KIF23: variants seen among roughly 807,000 people sequenced by gnomAD.
KIF23 encodes the protein kinesin family member 23.
In KIF23, 30 loss-of-function variants were observed where a neutral mutation model predicts 137.5. The ratio of observed to expected loss-of-function variants is 0.22; its 90% CI spans 0.16 to 0.30. KIF23 has a LOEUF of 0.30. Ranked by LOEUF, KIF23 falls within the 10% of genes least tolerant of loss-of-function variation. The pLI is 1.00. For missense variants in KIF23, 920 were observed against 1,194.3 expected (o/e 0.77, Z 3.38); for synonymous variants, 367 against 391.1 (o/e 0.94, Z 0.73).
intron 10 of KIF23, 56 bp from the exon 11 acceptor site, chr15:69,429,055 A>G: frequency 8.6e-7 from 1 of 1,165,786 alleles, no homozygotes; most frequent in South Asian, 1.4e-5. Flanking sequence ...CTATTTAAAG[A>G]ACATTATAAA....
At chr15:69,431,393 C>T (rs559762163) in intron 11 of KIF23, among the ~76,000 whole-genome samples, 8 of 152,176 alleles carry the variant, frequency 5.3e-5, no homozygotes, top group African/African-American at 9.7e-5. Flanking sequence ...GCAGGCGGAT[C>T]ACGAGGTCAG....
chr15:69,444,653 A>T lies in KIF23; in HGVS notation c.2422-137A>T, dbSNP rs2057703671. ...GTTGGTTTTGTGTTTAAATGCAAAG[A>T]TCATGTTTAAATTACTTGAATAAAA... is the stretch of plus-strand genomic sequence containing the variant. On this transcript the variant is annotated intron_variant, in intron 19 of 23. Coordinates refer to ENST00000679126, the MANE Select transcript of KIF23 (RefSeq NM_001367805.3). The surrounding 1 kb of genome is among the most constrained non-coding windows in gnomAD (Gnocchi z 4.2). 6 of 825,612 alleles carry T rather than the reference A, an allele frequency of 7.3e-6. No homozygotes were observed. The East Asian group carries it at 1.6e-4, about 22-fold the overall frequency. 51.1% of individuals were successfully genotyped at this position (825,612 alleles called of 1,614,324 possible).
Position 69,448,031 on chromosome 15 carries a change from T to C in KIF23, c.*224T>C. ...ATAGTATATGTTTTGCCATATTTAATATTAATAGCAGAGGAAGACTCCTTT... is the reference window on the plus strand; with the variant it reads ...ATAGTATATGTTTTGCCATATTTAACATTAATAGCAGAGGAAGACTCCTTT... On this transcript the variant is annotated 3_prime_UTR_variant, in exon 24 of 24. Coordinates refer to ENST00000679126, the MANE Select transcript of KIF23 (RefSeq NM_001367805.3). The C allele has an allele frequency of 2.7e-6, 1 of 365,684 alleles. No individual in the cohort carries two copies. 22.7% of individuals were successfully genotyped at this position (365,684 alleles called of 1,614,324 possible). A position where few individuals can be genotyped will look rare whatever the true frequency, so the allele number is the denominator to read the frequency against.
Position 69,435,690 on chromosome 15 carries a change from C to G in KIF23, c.1233C>G (p.Phe411Leu). Residue 411 changes from phenylalanine (F) to leucine (L), a missense_variant, in exon 13 of 24, where the codon TTC becomes TTG. Phe to Leu is a conservative substitution (Grantham distance 22, BLOSUM62 0). Around this residue, in one of 4 missense-constraint regions of KIF23, gnomAD observed 714 missense variants for 866.2 expected, o/e 0.82. Transcript: ENST00000679126. Reference sequence around the variant, plus strand: ...GAGATTCAAAGTTAACCCATCTGTTCAAGAACTACTTTGATGGGGAAGGAA... The same window carrying G: ...GAGATTCAAAGTTAACCCATCTGTTGAAGAACTACTTTGATGGGGAAGGAA... ...PYRDSKLTHL[F>L]KNYFDGEGKV... 1 of 1,614,066 alleles carries G rather than the reference C, an allele frequency of 6.2e-7. No individual in the cohort carries two copies. The highest frequency in any genetic ancestry group is 1.1e-5 in the South Asian group (1 of 91,066).
Position 69,423,761 on chromosome 15 carries a change from A to G in KIF23, c.734+432A>G, listed in dbSNP as rs577938763. ...TGTTATCTATACAAGTAATACTTACATATCTTCTATCATTCATTAATATGG... is the reference window on the plus strand; with the variant it reads ...TGTTATCTATACAAGTAATACTTACGTATCTTCTATCATTCATTAATATGG... On this transcript the variant is annotated intron_variant, in intron 7 of 23. Transcript: ENST00000679126. 6.6e-5 allele frequency among the ~76,000 whole-genome samples: 10 copies of G among 152,332 alleles called. No individual in the cohort carries two copies. In the South Asian group the frequency reaches 8.3e-4, roughly 13 times the overall value.
chr15:69,442,143 G>T (rs2057637048), intron 19 of KIF23, among the ~76,000 whole-genome samples: 1 of 152,000 alleles, frequency 6.6e-6, no homozygotes, highest in Non-Finnish European at 1.5e-5. Context: ...ATATAAAATA[G>T]TCTCACCCTG....
intron 6 of KIF23, 45 bp downstream of exon 6, chr15:69,422,480 AT>A (rs1595984706): frequency 1.8e-6 from 2 of 1,112,356 alleles, no homozygotes; most frequent in East Asian, 4.7e-5. Context: ...GGGGCACAGG[AT>A]TCTTTCCTGT....
Position 69,438,310 on chromosome 15 carries a change from A to G in KIF23, c.1660A>G (p.Met554Val), listed in dbSNP as rs1411802770. 2 of 1,613,516 alleles carry G rather than the reference A, an allele frequency of 1.2e-6. No individual in the cohort carries two copies. The highest frequency in any genetic ancestry group is 1.3e-5 in the African/African-American group (1 of 75,034). ...TGCTGTTTTAAGTAAAGAAAACCAC[A>G]TGCAAGGGAAACTAAATGAAAAGGA... Reference protein sequence around the residue: ...DNAVLSKENHMQGKLNEKEKM... With the variant: ...DNAVLSKENHVQGKLNEKEKM... The change falls in exon 16 of 24, where the codon ATG (methionine) becomes GTG (valine). Residue 554 changes from methionine (M) to valine (V), a missense_variant. Around this residue, in one of 4 missense-constraint regions of KIF23, gnomAD observed 714 missense variants for 866.2 expected, o/e 0.82. Coordinates refer to ENST00000679126, the MANE Select transcript of KIF23 (RefSeq NM_001367805.3).
At chr15:69,439,857 G>T (rs1234941438) in intron 16 of KIF23, 47 bp from the exon 17 acceptor site, 1 of 1,389,260 alleles carries the variant, frequency 7.2e-7, no homozygotes, top group South Asian at 1.4e-5. Context: ...ATAGCGACAT[G>T]AAATGTTTAT....
At position 69,446,424 on chromosome 15, in the gene KIF23, C is replaced by T. The variant is rs7174669; in HGVS notation, c.2838+60C>T. On this transcript the variant is annotated intron_variant, in intron 22 of 23. Coordinates refer to ENST00000679126, the MANE Select transcript of KIF23 (RefSeq NM_001367805.3). ...AAATTAGGTTTGTCATGTTTTAAACCCCACAGCTCTAGATTTTTATGCTCT... is the reference window on the plus strand; with the variant it reads ...AAATTAGGTTTGTCATGTTTTAAACTCCACAGCTCTAGATTTTTATGCTCT... The T allele has an allele frequency of 0.018, 24,277 of 1,317,902 alleles. 729 individuals carry two copies. The highest frequency in any genetic ancestry group is 0.11 in the East Asian group (4,946 of 43,446). 81.6% of individuals were successfully genotyped at this position (1,317,902 alleles called of 1,614,324 possible).
At position 69,435,552 on chromosome 15, in the gene KIF23, G is replaced by C. The variant is rs368956809; in HGVS notation, c.1184G>C (p.Gly395Ala). Residue 395 changes from glycine (G) to alanine (A), a missense_variant, in exon 12 of 24, where the codon GGA (glycine) becomes GCA (alanine). This residue lies in a region of KIF23 where 714 missense variants were observed against 866.2 expected (regional missense o/e 0.82). Transcript: ENST00000679126. ...MDVLRENQMY[G>A]TNKMVPYRDS... ...GTCCTAAGAGAGAACCAAATGTATG[G>C]AACTAACAAGGTAAGCAGCAGCCTT... 2 of 1,613,856 alleles carry C rather than the reference G, an allele frequency of 1.2e-6. No individual in the cohort carries two copies. Among genetic ancestry groups the C allele is most frequent in the Non-Finnish European group, 1.7e-6 (2 of 1,179,956 alleles).
intron 19 of KIF23, among the ~76,000 whole-genome samples, chr15:69,443,326 GTTTTTTTTTTTTT>G (rs10538305): frequency 4.8e-4 from 28 of 58,594 alleles, no homozygotes; most frequent in Admixed American, 1.2e-3. Flanking sequence ...TGTTTTTTGG[GTTTTTTTTTTTTT>G]TTTTTTTTTT....
chr15:69,441,041 A>G lies in KIF23; in HGVS notation c.2383A>G (p.Arg795Gly). Residue 795 changes from arginine (R) to glycine (G), a missense_variant, in exon 19 of 24, where the codon AGA becomes GGA. Arg to Gly is a moderately radical substitution (Grantham distance 125). This residue lies in a region of KIF23 where 714 missense variants were observed against 866.2 expected (regional missense o/e 0.82). Transcript: ENST00000679126. ...TEGREVVPTF[R>G]NEIEIEEDHC... ...AGGCAGGGAGGTGGTTCCTACATTCAGAAATGAGATAGAAATAGAAGAGGA... is the reference window on the plus strand; with the variant it reads ...AGGCAGGGAGGTGGTTCCTACATTCGGAAATGAGATAGAAATAGAAGAGGA... 1.2e-6 allele frequency: 2 copies of G among 1,613,990 alleles called. No homozygotes were observed. The highest frequency in any genetic ancestry group is 2.2e-5 in the South Asian group (2 of 91,068).
intron 13 of KIF23, 115 bp downstream of exon 13, chr15:69,435,886 G>A (rs2057465522): frequency 7.2e-7 from 1 of 1,386,928 alleles, no homozygotes; most frequent in South Asian, 1.4e-5. Flanking sequence ...ACCATTGATT[G>A]TAGAAGTAAA....
Position 69,434,532 on chromosome 15 carries a change from A to C in KIF23, c.1115-951A>C, listed in dbSNP as rs2057426422. The C allele has an allele frequency of 2.9e-5, 24 of 825,752 alleles. No homozygotes were observed. In the South Asian group the frequency reaches 3.4e-4, roughly 12 times the overall value. The allele number at this position is 825,752 out of a possible 1,614,324, so 51.2% of individuals were successfully genotyped here. The stretch of plus-strand genomic sequence containing the variant: ...CCGTGTATGCCAGCCTGGATCTCAT[A>C]GTTTTCTTTAACTGGTTCAACTCCC... On this transcript the variant is annotated intron_variant, in intron 11 of 23. Coordinates refer to ENST00000679126, the MANE Select transcript of KIF23 (RefSeq NM_001367805.3).
chr15:69,414,455 AGCCTGCT>A lies in KIF23; in HGVS notation c.-7_-1del. Reference sequence around the variant, plus strand: ...CCGCATGCGCGTTTGGGCGGCGTGGAGCCTGCTGCCATGAAGTCAGCGTGAGTACGAG... The same window carrying A: ...CCGCATGCGCGTTTGGGCGGCGTGGAGCCATGAAGTCAGCGTGAGTACGAG... On this transcript the variant is annotated 5_prime_UTR_variant, in exon 1 of 24. Coordinates refer to ENST00000679126, the MANE Select transcript of KIF23 (RefSeq NM_001367805.3). 3.1e-6 allele frequency: 5 copies of A among 1,588,828 alleles called. No homozygotes were observed. The Admixed American group carries it at 7.1e-5, about 22-fold the overall frequency.
At position 69,434,505 on chromosome 15, in the gene KIF23, C is replaced by T. The variant is rs144289512; in HGVS notation, c.1115-978C>T. The T allele has an allele frequency of 2.8e-4, 192 of 695,128 alleles. No homozygotes were observed. The Admixed American group carries it at 3.2e-3, about 12-fold the overall frequency. 43.1% of individuals were successfully genotyped at this position (695,128 alleles called of 1,614,324 possible). A position where few individuals can be genotyped will look rare whatever the true frequency, so the allele number is the denominator to read the frequency against. On this transcript the variant is annotated intron_variant, in intron 11 of 23. Transcript: ENST00000679126. ...TCCACCTTCAATCTCATACTGACCA[C>T]GCCGTGTATGCCAGCCTGGATCTCA...
intron 3 of KIF23, among the ~76,000 whole-genome samples, chr15:69,420,112 A>G (rs2057016508): frequency 6.6e-6 from 1 of 152,164 alleles, no homozygotes; most frequent in African/African-American, 2.4e-5. Context: ...TAAAAATACA[A>G]AAATTACCCA....
chr15:69,443,108 C>G (rs1204055812), intron 19 of KIF23, among the ~76,000 whole-genome samples: 1 of 152,044 alleles, frequency 6.6e-6, no homozygotes, highest in Admixed American at 6.6e-5. Context: ...ATGGAAAGTT[C>G]CTGTTTGTCT....
Sources: gnomAD v4.1 joint callset for allele counts (sites outside exome capture counted in the v4.1 genomes callset) on GRCh38, gnomAD v4.1.1 for gene constraint, gnomAD v4.1.1 regional missense constraint, Gnocchi (gnomAD v3.1) non-coding constraint, MANE v1.5 for transcripts, NCBI Gene and HGNC (gene_info 2026-07-23, HGNC 2026-07-21) for gene names.